ADGRA3: variants seen among roughly 807,000 people sequenced by gnomAD.
The protein encoded by ADGRA3 is G-protein coupled receptor 125.
ADGRA3 carries 56 observed loss-of-function variants against 119.8 expected under a neutral mutation model. The observed-to-expected ratio is 0.47, with a 90% confidence interval of 0.38 to 0.58. The LOEUF is 0.58. Among genes scored for constraint, ADGRA3 ranks in the 20% least tolerant of loss-of-function variants. The probability of loss-of-function intolerance (pLI) is 0.00; values close to 1 mark genes in which losing one functional copy is unlikely to be tolerated. For missense variants in ADGRA3, 1,516 were observed against 1,649.0 expected, an observed-to-expected ratio of 0.92 and a Z score of 1.40; for synonymous variants, 607 against 623.8, an observed-to-expected ratio of 0.97 and a Z score of 0.40.
intron 3 of ADGRA3, among the ~76,000 whole-genome samples, chr4:22,458,106 A>G (rs1045648142): frequency 1.1e-4 from 16 of 152,198 alleles, no homozygotes; most frequent in African/African-American, 3.4e-4. Context: ...TTCACATCAG[A>G]ATCACTGGGA....
In ADGRA3 at chr4:22,515,678, G is replaced by GCGCCGC. The variant is rs769005255; in HGVS notation, c.101_106dup (p.Gly34_Gly35dup). ...CTTGCAGCCGGCGGGCAGCGCCGCG[G>GCGCCGC]CGCCGCCGCCGCCGCCGCCTCCCAG... On this transcript the variant is annotated inframe_insertion, in exon 1 of 19. Transcript: ENST00000334304. 1.4e-4 allele frequency: 165 copies of GCGCCGC among 1,140,572 alleles called. No homozygotes were observed. Among genetic ancestry groups the GCGCCGC allele is most frequent in the Middle Eastern group, 3.7e-4 (1 of 2,684 alleles). 70.7% of individuals were successfully genotyped at this position (1,140,572 alleles called of 1,614,324 possible).
chr4:22,388,700 T>G lies in ADGRA3; in HGVS notation c.2971A>C (p.Thr991Pro). The change falls in exon 19 of 19, where the codon ACT becomes CCT. Residue 991 changes from threonine to proline, a missense_variant. Thr to Pro is a conservative substitution (Grantham distance 38). Transcript: ENST00000334304. ...GCCCCCAAGAGCTGAGAATGAAAAG[T>G]GTGCTCATTTTCCAAGGCTGATGTA... Reference protein sequence around the residue: ...ISTSALENEHTFHSQLLGASL... With the variant: ...ISTSALENEHPFHSQLLGASL... 6.2e-7 allele frequency: 1 copy of G among 1,613,708 alleles called. No homozygotes were observed. Among genetic ancestry groups the G allele is most frequent in the East Asian group, 2.2e-5 (1 of 44,848 alleles).
intron 1 of ADGRA3, among the ~76,000 whole-genome samples, chr4:22,476,810 G>A (rs1402959911): frequency 6.7e-6 from 1 of 149,902 alleles, no homozygotes; most frequent in African/African-American, 2.5e-5. Context: ...GGGAGTATAA[G>A]TGCCCACCAC....
At position 22,464,034 on chromosome 4, in the gene ADGRA3, T is replaced by A. The variant is rs1286274972; in HGVS notation, c.330-2226A>T. Among the ~76,000 whole-genome samples the A allele has an allele frequency of 3.9e-5, 6 of 152,254 alleles. No homozygotes were observed. In the East Asian group the frequency reaches 1.2e-3, roughly 29 times the overall value. On this transcript the variant is annotated intron_variant, in intron 2 of 18. Coordinates refer to ENST00000334304, the MANE Select transcript of ADGRA3 (RefSeq NM_145290.4). ...TAACACACAGGCACTCCTCAGTAGC[T>A]AAGGTTGGGACTGCAATTCTACCAC...
intron 1 of ADGRA3, among the ~76,000 whole-genome samples, chr4:22,505,705 G>T (rs1476650512): frequency 6.6e-6 from 1 of 151,550 alleles, no homozygotes; most frequent in African/African-American, 2.4e-5. Context: ...TGTTTTAGCA[G>T]AGTATAACAA....
rs1713934471 is a variant in ADGRA3 at position 22,388,287 on chromosome 4, A to C, written c.3384T>G (p.Asn1128Lys). 6.2e-7 allele frequency: 1 copy of C among 1,614,096 alleles called. No homozygotes were observed. The highest frequency in any genetic ancestry group is 8.5e-7 in the Non-Finnish European group (1 of 1,180,002). ...GAGGGGTGGAGTTCAAAGGTAAAGA[A>C]TTGGCATGGCACTGAGCTGCAGCCG... ...LQAAAAQCHA[N>K]SLPLNSTPQL... Residue 1128 changes from asparagine (N) to lysine (K), a missense_variant, in exon 19 of 19, where the codon AAT (asparagine) becomes AAG (lysine). By Grantham distance (94) the Asn-to-Lys change is moderately conservative. Transcript: ENST00000334304.
Position 22,482,456 on chromosome 4 carries a change from G to A in ADGRA3, c.258-8613C>T, listed in dbSNP as rs145813240. ...GGACTGCTTGAGCCCAGGAGTTAGA[G>A]ACCAGCCTGGGCAACACAGTGAGAC... On this transcript the variant is annotated intron_variant, in intron 1 of 18. Coordinates refer to ENST00000334304, the MANE Select transcript of ADGRA3 (RefSeq NM_145290.4). 2.9e-3 allele frequency among the ~76,000 whole-genome samples: 436 copies of A among 149,922 alleles called. 2 individuals carry two copies. The highest frequency in any genetic ancestry group is 4.8e-3 in the Non-Finnish European group (324 of 67,730).
intron 14 of ADGRA3, among the ~76,000 whole-genome samples, chr4:22,408,576 A>T (rs897785509): frequency 6.6e-6 from 1 of 152,184 alleles, no homozygotes; most frequent in Non-Finnish European, 1.5e-5. Context: ...GAGAAATGCA[A>T]ATTAAAACTA....
chr4:22,470,142 C>A (rs16872718), intron 2 of ADGRA3, among the ~76,000 whole-genome samples: 1 of 152,040 alleles, frequency 6.6e-6, no homozygotes, highest in Non-Finnish European at 1.5e-5. Context: ...CATCTTTTTA[C>A]GATTTTAATT....
At chr4:22,510,308 G>C (rs898669982) in intron 1 of ADGRA3, among the ~76,000 whole-genome samples, 7 of 152,060 alleles carry the variant, frequency 4.6e-5, no homozygotes, top group Non-Finnish European at 8.8e-5. Context: ...CCAGACTCCT[G>C]GCCATCAAAT....
intron 1 of ADGRA3, among the ~76,000 whole-genome samples, chr4:22,490,065 G>A (rs1390132011): frequency 6.6e-6 from 1 of 152,006 alleles, no homozygotes; most frequent in East Asian, 1.9e-4. Flanking sequence ...AAATAAAGGA[G>A]GCCTGATTTT....
chr4:22,415,597 A>C (rs1198127903), intron 12 of ADGRA3, among the ~76,000 whole-genome samples: 1 of 152,186 alleles, frequency 6.6e-6, no homozygotes, highest in Non-Finnish European at 1.5e-5. Context: ...AAAGTATTAC[A>C]TAATGCACAT....
intron 7 of ADGRA3, among the ~76,000 whole-genome samples, chr4:22,439,833 T>C (rs1457415267): frequency 6.6e-6 from 1 of 152,182 alleles, no homozygotes; most frequent in Non-Finnish European, 1.5e-5. Context: ...TTCACTGACA[T>C]AGTAACTTTG....
chr4:22,515,752 C>A lies in ADGRA3; in HGVS notation c.33G>T (p.Ala11=). 1 of 1,025,154 alleles carries A rather than the reference C, an allele frequency of 9.8e-7. No individual in the cohort carries two copies. Among genetic ancestry groups the A allele is most frequent in the Non-Finnish European group, 1.2e-6 (1 of 860,538 alleles). The allele number at this position is 1,025,154 out of a possible 1,614,324, so 63.5% of individuals were successfully genotyped here. A position where few individuals can be genotyped will look rare whatever the true frequency, so the allele number is the denominator to read the frequency against. The change falls in exon 1 of 19, where the codon GCG becomes GCT. Residue 11 remains alanine (A), a synonymous_variant. Coordinates refer to ENST00000334304, the MANE Select transcript of ADGRA3 (RefSeq NM_145290.4). ...AGAGCGGCAGCAACAGCGGCGGCTG[C>A]GCGCGGCCCCGCCGGCGTCCGGGTG... MEPPGRRRGR[A]QPPLLLPLSL...
At chr4:22,501,788 T>A (rs1333683252) in intron 1 of ADGRA3, among the ~76,000 whole-genome samples, 1 of 149,690 alleles carries the variant, frequency 6.7e-6, no homozygotes, top group East Asian at 2.0e-4. Context: ...AAAAAAAAAC[T>A]AATATGAGAA....
At chr4:22,484,091 A>G (rs1424862805) in intron 1 of ADGRA3, among the ~76,000 whole-genome samples, 3 of 152,358 alleles carry the variant, frequency 2.0e-5, no homozygotes, top group Admixed American at 2.0e-4. Flanking sequence ...GAAAAAGTCA[A>G]GATTACTTTT....
chr4:22,455,720 T>TCAAGGAAA, intron 3 of ADGRA3: 2 of 782,144 alleles, frequency 2.6e-6, no homozygotes, highest in Non-Finnish European at 3.6e-6. Context: ...GAACACAATT[T>TCAAGGAAA]TATTTTTACA....
intron 1 of ADGRA3, among the ~76,000 whole-genome samples, chr4:22,506,143 G>C (rs948162818): frequency 6.6e-6 from 1 of 152,136 alleles, no homozygotes; most frequent in Non-Finnish European, 1.5e-5. Flanking sequence ...CTGAAGATGG[G>C]GGGAGAAGCA....
At position 22,390,736 on chromosome 4, in the gene ADGRA3, G is replaced by C. The variant is rs545580882; in HGVS notation, c.2628-1553C>G. ...GAAGCAGGGCTAGAGGGCGGAGCTT[G>C]AGCTGTCTAATGCAAAGAGGATACT... is the stretch of plus-strand genomic sequence containing the variant. On this transcript the variant is annotated intron_variant, in intron 17 of 18. Coordinates refer to ENST00000334304, the MANE Select transcript of ADGRA3 (RefSeq NM_145290.4). 5.9e-5 allele frequency among the ~76,000 whole-genome samples: 9 copies of C among 151,812 alleles called. No individual in the cohort carries two copies. The South Asian group carries it at 1.9e-3, about 31-fold the overall frequency.
Sources: gnomAD v4.1 joint callset for allele counts (sites outside exome capture counted in the v4.1 genomes callset) on GRCh38, gnomAD v4.1.1 for gene constraint, MANE v1.5 for transcripts, NCBI Gene and HGNC (gene_info 2026-07-23, HGNC 2026-07-21) for gene names.